The following PARPBP variants were observed in gnomAD, a reference collection of about 807,000 sequenced individuals.
PARPBP encodes PCNA-interacting partner.
In PARPBP, 52 loss-of-function variants were observed where a neutral mutation model predicts 50.0. That is an observed-to-expected ratio of 1.04 (90% CI 0.83 to 1.31). The LOEUF (loss-of-function observed/expected upper bound fraction) is 1.31. PARPBP is among the 50% of genes most tolerant of loss of function. The pLI, the probability that PARPBP is intolerant of heterozygous loss-of-function variation, is 0.00. For synonymous variants in PARPBP, 244 were observed against 232.1 expected, an observed-to-expected ratio of 1.05 and a Z score of -0.47; for missense variants, 697 against 672.0, an observed-to-expected ratio of 1.04 and a Z score of -0.41.
At chr12:102,136,501 T>C (rs893865310) in intron 2 of PARPBP, among the ~76,000 whole-genome samples, 5 of 152,262 alleles carry the variant, frequency 3.3e-5, no homozygotes, top group Non-Finnish European at 7.3e-5. Context: ...AATTTTCACA[T>C]ACTGAAATAT....
rs560422725 is a variant in PARPBP at position 102,146,548 on chromosome 12, C to T, written c.154-1682C>T. Among the ~76,000 whole-genome samples, 163 of 152,274 alleles carry T rather than the reference C, an allele frequency of 1.1e-3. 3 individuals carry two copies. The highest frequency in any genetic ancestry group is 3.3e-3 in the African/African-American group (138 of 41,548). On this transcript the variant is annotated intron_variant, in intron 2 of 10. Transcript: ENST00000327680. The stretch of plus-strand genomic sequence containing the variant: ...GCTGAAACTGGATCCCTTCCTTACA[C>T]CTTATATAAAAATTAATTCTAGATG...
At chr12:102,182,974 G>T (rs980036357) in intron 9 of PARPBP, among the ~76,000 whole-genome samples, 13 of 152,172 alleles carry the variant, frequency 8.5e-5, no homozygotes, top group South Asian at 2.1e-4. Flanking sequence ...TGAATCTCAA[G>T]ATATGTGATT....
At position 102,197,460 on chromosome 12, in the gene PARPBP, A is replaced by T; in HGVS notation, c.*1169A>T. 7.0e-7 allele frequency: 1 copy of T among 1,437,842 alleles called. No homozygotes were observed. The allele number at this position is 1,437,842 out of a possible 1,614,324, so 89.1% of individuals were successfully genotyped here. On this transcript the variant is annotated 3_prime_UTR_variant, in exon 11 of 11. Coordinates refer to ENST00000327680, the MANE Select transcript of PARPBP (RefSeq NM_017915.5). ...TAAAAGTATCAGTTTTACTTTTCAG[A>T]GGATTTGTAAGAATCATTTAAATTT...
Position 102,196,105 on chromosome 12 carries a change from A to G in PARPBP, c.1554A>G (p.Glu518=). The G allele has an allele frequency of 3.7e-6, 6 of 1,612,138 alleles. No homozygotes were observed. Among genetic ancestry groups the G allele is most frequent in the Non-Finnish European group, 5.1e-6 (6 of 1,178,710 alleles). ...SKRKQVDLDG[E]NILCDNRNEP... is the part of the protein sequence containing the mutation. Reference sequence around the variant, plus strand: ...GGAAACAGGTGGATTTGGATGGTGAAAATATTCTCTGTGATAATAGAAATG... The same window carrying G: ...GGAAACAGGTGGATTTGGATGGTGAGAATATTCTCTGTGATAATAGAAATG... Residue 518 remains glutamate (E), a synonymous_variant, in exon 11 of 11, where the codon GAA becomes GAG. Coordinates refer to ENST00000327680, the MANE Select transcript of PARPBP (RefSeq NM_017915.5).
chr12:102,147,761 C>G (rs1885597914), intron 2 of PARPBP, among the ~76,000 whole-genome samples: 1 of 151,882 alleles, frequency 6.6e-6, no homozygotes, highest in African/African-American at 2.4e-5. Context: ...TATTTTTAGA[C>G]TAAACCCTTG....
intron 6 of PARPBP, among the ~76,000 whole-genome samples, chr12:102,169,729 T>C (rs1001154950): frequency 6.6e-6 from 1 of 152,124 alleles, no homozygotes. Flanking sequence ...CAGAGTGATT[T>C]TTCTGAAACA....
chr12:102,163,124 T>C (rs943287511), intron 4 of PARPBP, among the ~76,000 whole-genome samples: 1 of 152,248 alleles, frequency 6.6e-6, no homozygotes, highest in African/African-American at 2.4e-5. Context: ...TTTTCTTCAT[T>C]GTTCCTTTTG....
chr12:102,121,576 C>T (rs1304928191), intron 1 of PARPBP, among the ~76,000 whole-genome samples: 3 of 103,340 alleles, frequency 2.9e-5, no homozygotes, highest in Admixed American at 1.3e-4. Context: ...TTTTTTAAGA[C>T]AGAGTCTCAC....
chr12:102,123,696 A>G (rs1881510655), intron 1 of PARPBP, among the ~76,000 whole-genome samples, 190 bp from the exon 2 acceptor site: 1 of 152,108 alleles, frequency 6.6e-6, no homozygotes. Context: ...ACCAAAGGGG[A>G]GGGAAATATG....
At chr12:102,177,040 A>G (rs1249041650) in intron 7 of PARPBP, among the ~76,000 whole-genome samples, 1 of 152,270 alleles carries the variant, frequency 6.6e-6, no homozygotes, top group Non-Finnish European at 1.5e-5. Context: ...GTTTTCAACC[A>G]AATCAGAGAT....
chr12:102,193,668 T>C (rs1272356999), intron 9 of PARPBP, among the ~76,000 whole-genome samples: 1 of 152,098 alleles, frequency 6.6e-6, no homozygotes, highest in African/African-American at 2.4e-5. Flanking sequence ...TAGTATAATA[T>C]AGAGTCAATT....
chr12:102,188,679 G>A (rs1486255997), intron 9 of PARPBP, among the ~76,000 whole-genome samples: 1 of 151,986 alleles, frequency 6.6e-6, no homozygotes, highest in Admixed American at 6.6e-5. Context: ...CTTTAATAAA[G>A]GGAAAACATT....
chr12:102,149,553 A>C (rs1317770103), intron 3 of PARPBP, among the ~76,000 whole-genome samples: 1 of 152,252 alleles, frequency 6.6e-6, no homozygotes, highest in Admixed American at 6.5e-5. Context: ...TCTTAAGGGT[A>C]CATAGCTTTT....
intron 9 of PARPBP, among the ~76,000 whole-genome samples, chr12:102,191,808 C>A (rs980556187): frequency 2.0e-5 from 3 of 152,094 alleles, no homozygotes; most frequent in African/African-American, 7.2e-5. Flanking sequence ...ACTTTCAATC[C>A]ATTTCTCTCA....
intron 6 of PARPBP, among the ~76,000 whole-genome samples, chr12:102,172,207 G>GC (rs987327610): frequency 2.0e-5 from 3 of 152,136 alleles, no homozygotes; most frequent in Non-Finnish European, 4.4e-5. Flanking sequence ...AGCTCAGTTT[G>GC]CCTCTTTCTC....
chr12:102,165,334 C>T (rs891385655), intron 5 of PARPBP, among the ~76,000 whole-genome samples: 1 of 152,076 alleles, frequency 6.6e-6, no homozygotes, highest in Non-Finnish European at 1.5e-5. Flanking sequence ...ACCTGTTTAA[C>T]ACAACAGATC....
intron 2 of PARPBP, among the ~76,000 whole-genome samples, chr12:102,138,919 C>T (rs1432324747): frequency 2.0e-5 from 3 of 152,120 alleles, no homozygotes; most frequent in South Asian, 2.1e-4. Context: ...AGTCAGGAAG[C>T]GTGATGCCTC....
At chr12:102,122,831 CT>C (rs2136960857) in intron 1 of PARPBP, among the ~76,000 whole-genome samples, 1 of 152,302 alleles carries the variant, frequency 6.6e-6, no homozygotes, top group Non-Finnish European at 1.5e-5. Flanking sequence ...TTATTGGACA[CT>C]TATGACAGTC....
Position 102,197,213 on chromosome 12 carries a change from G to T in PARPBP, c.*922G>T. 7.2e-7 allele frequency: 1 copy of T among 1,386,530 alleles called. No homozygotes were observed. Among genetic ancestry groups the T allele is most frequent in the Non-Finnish European group, 1.0e-6 (1 of 978,972 alleles). 85.9% of individuals were successfully genotyped at this position (1,386,530 alleles called of 1,614,324 possible). A position where few individuals can be genotyped will look rare whatever the true frequency, so the allele number is the denominator to read the frequency against. ...GATTTGGTTTTTAGCTATCGTATTCGGAGTGGAACTATAATACAATTGTAT... is the reference window on the plus strand; with the variant it reads ...GATTTGGTTTTTAGCTATCGTATTCTGAGTGGAACTATAATACAATTGTAT... On this transcript the variant is annotated 3_prime_UTR_variant, in exon 11 of 11. Coordinates refer to ENST00000327680, the MANE Select transcript of PARPBP (RefSeq NM_017915.5).
Sources: allele counts gnomAD v4.1 joint callset (sites outside exome capture counted in the v4.1 genomes callset), GRCh38; gene constraint gnomAD v4.1.1; transcripts MANE v1.5; gene names NCBI Gene and HGNC (gene_info 2026-07-23, HGNC 2026-07-21).